UTRN: variants seen among roughly 807,000 people sequenced by gnomAD.
UTRN encodes dystrophin-related protein 1.
In UTRN, 283 loss-of-function variants were observed where a neutral mutation model predicts 463.9. The observed-to-expected ratio is 0.61, with a 90% CI of 0.55 to 0.67. The LOEUF is 0.67. Among genes scored for constraint, UTRN ranks in the 30% least tolerant of loss-of-function variants. UTRN has a pLI of 0.00. For synonymous variants in UTRN, 1,442 were observed against 1,431.5 expected (o/e 1.01, Z -0.17); for missense variants, 3,922 against 4,084.3 (o/e 0.96, Z 1.08).
intron 2 of UTRN, among the ~76,000 whole-genome samples, chr6:144,341,177 T>C (rs977435506): frequency 3.3e-5 from 5 of 152,238 alleles, no homozygotes; most frequent in Non-Finnish European, 4.4e-5. Context: ...TTACAGAGTA[T>C]AGCCTTGGGA....
chr6:144,496,762 TTAAGAG>T (rs1386588459), intron 33 of UTRN, among the ~76,000 whole-genome samples: 2 of 152,188 alleles, frequency 1.3e-5, no homozygotes, highest in African/African-American at 4.8e-5. Context: ...ACATGGTTCT[TTAAGAG>T]TATAGGTAAA....
intron 9 of UTRN, 57 bp from the exon 10 acceptor site, chr6:144,435,878 C>A: frequency 6.3e-7 from 1 of 1,577,366 alleles, no homozygotes; most frequent in Non-Finnish European, 8.6e-7. Flanking sequence ...TGTGAGTTTG[C>A]TGAACACCTC....
chr6:144,298,817 A>G (rs1172506588), intron 2 of UTRN, among the ~76,000 whole-genome samples: 1 of 152,236 alleles, frequency 6.6e-6, no homozygotes. Context: ...CCAATAAAAA[A>G]TATGACTTTG....
chr6:144,553,507 G>A (rs896713388), intron 48 of UTRN, among the ~76,000 whole-genome samples: 7 of 152,142 alleles, frequency 4.6e-5, no homozygotes, highest in South Asian at 2.1e-4. Flanking sequence ...TTTCAGCAGC[G>A]TGGTTTTAAC....
At chr6:144,648,962 C>A (rs1473305712) in intron 51 of UTRN, among the ~76,000 whole-genome samples, 1 of 151,972 alleles carries the variant, frequency 6.6e-6, no homozygotes, top group Non-Finnish European at 1.5e-5. Flanking sequence ...AGCTTAACTC[C>A]CTTGGGGTGA....
At chr6:144,632,805 T>A (rs1210858118) in intron 51 of UTRN, among the ~76,000 whole-genome samples, 2 of 151,782 alleles carry the variant, frequency 1.3e-5, no homozygotes, top group Non-Finnish European at 2.9e-5. Flanking sequence ...CACTGCAACC[T>A]CCGCCTCCCG....
intron 56 of UTRN, among the ~76,000 whole-genome samples, chr6:144,752,861 T>C (rs1791557815): frequency 6.6e-6 from 1 of 152,206 alleles, no homozygotes; most frequent in Admixed American, 6.5e-5. Flanking sequence ...TCGGGGAATA[T>C]GTTATACTTG....
intron 2 of UTRN, among the ~76,000 whole-genome samples, chr6:144,327,406 C>G (rs932932591): frequency 6.6e-5 from 10 of 152,114 alleles, no homozygotes; most frequent in Non-Finnish European, 1.0e-4. Context: ...CCAGGGCCTG[C>G]TGGCTGCCCT....
intron 26 of UTRN, among the ~76,000 whole-genome samples, chr6:144,481,648 T>C (rs1791875005): frequency 6.6e-6 from 1 of 152,244 alleles, no homozygotes; most frequent in African/African-American, 2.4e-5. Context: ...TTCATGTCAG[T>C]AAACATACTT....
chr6:144,440,528 A>G lies in UTRN; in HGVS notation c.1512+57A>G, dbSNP rs539238644. 91 of 1,607,452 alleles carry G rather than the reference A, an allele frequency of 5.7e-5. No homozygotes were observed. The East Asian group carries it at 1.9e-3, about 34-fold the overall frequency. On this transcript the variant is annotated intron_variant, in intron 13 of 74. Coordinates refer to ENST00000367545, the MANE Select transcript of UTRN (RefSeq NM_007124.3). ...GGGACCTGTGGTCTGAGACCCAATT[A>G]CATATTGCCCTTGTTCTTCATGTCC...
chr6:144,523,285 G>C (rs1796270245), intron 41 of UTRN, 97 bp downstream of exon 41: 7 of 979,226 alleles, frequency 7.1e-6, no homozygotes, highest in Non-Finnish European at 8.4e-6. Context: ...ATGAGAACAT[G>C]TTTCATATCC....
chr6:144,357,642 T>C (rs1420038400), intron 2 of UTRN, among the ~76,000 whole-genome samples: 1 of 152,210 alleles, frequency 6.6e-6, no homozygotes, highest in Non-Finnish European at 1.5e-5. Flanking sequence ...GAGGATCAGA[T>C]AAAAATCCCC....
chr6:144,435,179 A>T (rs1345148073), intron 9 of UTRN, among the ~76,000 whole-genome samples: 1 of 152,224 alleles, frequency 6.6e-6, no homozygotes, highest in African/African-American at 2.4e-5. Flanking sequence ...TTGTACTTAA[A>T]AATCATGCAT....
chr6:144,390,663 C>A (rs1013609304), intron 2 of UTRN, among the ~76,000 whole-genome samples: 2 of 152,162 alleles, frequency 1.3e-5, no homozygotes, highest in Non-Finnish European at 1.5e-5. Context: ...TCTACAAATG[C>A]CTTTCTAACC....
intron 73 of UTRN, among the ~76,000 whole-genome samples, chr6:144,845,674 AAG>A (rs1219768260): frequency 6.6e-6 from 1 of 152,192 alleles, no homozygotes; most frequent in Non-Finnish European, 1.5e-5. Context: ...CTGTTTTAAA[AAG>A]AGTGTGTAAA....
intron 24 of UTRN, among the ~76,000 whole-genome samples, 193 bp downstream of exon 24, chr6:144,474,026 C>T (rs1420493461): frequency 2.0e-5 from 3 of 151,490 alleles, no homozygotes; most frequent in African/African-American, 7.3e-5. Context: ...TATTTCTGGA[C>T]GTGGTTATAG....
At chr6:144,772,226 G>T (rs533111775) in intron 59 of UTRN, among the ~76,000 whole-genome samples, 1 of 151,244 alleles carries the variant, frequency 6.6e-6, no homozygotes, top group Admixed American at 6.6e-5. Flanking sequence ...TAGAGACAGG[G>T]TTTTACTGTG....
chr6:144,390,380 C>T (rs1031754552), intron 2 of UTRN, among the ~76,000 whole-genome samples: 8 of 152,126 alleles, frequency 5.3e-5, no homozygotes, highest in East Asian at 1.9e-4. Context: ...TACTTTCTTC[C>T]GGCCTCCCTC....
chr6:144,330,244 T>C (rs960956438), intron 2 of UTRN, among the ~76,000 whole-genome samples: 3 of 152,162 alleles, frequency 2.0e-5, no homozygotes, highest in African/African-American at 7.2e-5. Context: ...AGGCCGGTGA[T>C]TGGGAGTGAA....
Sources: allele counts gnomAD v4.1 joint callset (sites outside exome capture counted in the v4.1 genomes callset), GRCh38; gene constraint gnomAD v4.1.1; transcripts MANE v1.5; gene names NCBI Gene and HGNC (gene_info 2026-07-23, HGNC 2026-07-21).